Variants in PDE7B observed in about 807,000 individuals in gnomAD.
The protein encoded by PDE7B is phosphodiesterase 7B, also known as 3',5'-cyclic-AMP phosphodiesterase 7B.
PDE7B carries 29 observed loss-of-function variants against 56.2 expected under a neutral mutation model. The ratio of observed to expected loss-of-function variants is 0.52; its 90% CI spans 0.38 to 0.70. The LOEUF (loss-of-function observed/expected upper bound fraction) is 0.70. Ranked by LOEUF, PDE7B falls within the 30% of genes least tolerant of loss-of-function variation. PDE7B has a pLI of 0.00. For synonymous variants in PDE7B, 197 were observed against 196.9 expected (o/e 1.00, Z 0.00); for missense variants, 490 against 565.0 (o/e 0.87, Z 1.35).
chr6:136,068,959 G>A (rs1440257118), intron 2 of PDE7B, among the ~76,000 whole-genome samples: 2 of 152,078 alleles, frequency 1.3e-5, no homozygotes, highest in Non-Finnish European at 2.9e-5. Flanking sequence ...GTATCTTATT[G>A]CGACAAAGCA....
intron 2 of PDE7B, among the ~76,000 whole-genome samples, chr6:136,075,161 G>A (rs925433484): frequency 2.6e-5 from 4 of 152,044 alleles, no homozygotes; most frequent in African/African-American, 9.7e-5. Context: ...CTTCTCTTGG[G>A]TGCTTTCCTT....
At chr6:135,943,148 A>G (rs1008658515) in intron 1 of PDE7B, among the ~76,000 whole-genome samples, 8 of 152,242 alleles carry the variant, frequency 5.3e-5, no homozygotes, top group African/African-American at 1.9e-4. Context: ...GATCAGTTAA[A>G]TTTGTTAATT....
At chr6:136,036,972 G>A (rs879236410) in intron 2 of PDE7B, among the ~76,000 whole-genome samples, 4 of 152,186 alleles carry the variant, frequency 2.6e-5, no homozygotes, top group Admixed American at 2.0e-4. Context: ...AGGGGGCATC[G>A]CCTTTTGTTG....
At chr6:136,111,052 G>T (rs1777738938) in intron 3 of PDE7B, 1 of 152,066 alleles carries the variant, frequency 6.6e-6, no homozygotes, top group African/African-American at 2.4e-5. Context: ...TCCCTTTAGG[G>T]TCTCCTCAGC....
intron 1 of PDE7B, among the ~76,000 whole-genome samples, chr6:135,884,777 C>T (rs546393994): frequency 1.1e-4 from 17 of 152,156 alleles, no homozygotes; most frequent in African/African-American, 2.2e-4. Flanking sequence ...CTGCTCTTTT[C>T]GTGATCCCTG....
chr6:135,972,676 G>A (rs116694057), intron 2 of PDE7B, among the ~76,000 whole-genome samples: 1,625 of 152,108 alleles, frequency 0.011, 30 homozygotes, highest in African/African-American at 0.036. Context: ...TCAATATTCC[G>A]TTGGTCAGAA....
chr6:136,061,671 A>G (rs1344398039), intron 2 of PDE7B, among the ~76,000 whole-genome samples: 1 of 152,212 alleles, frequency 6.6e-6, no homozygotes, highest in Non-Finnish European at 1.5e-5. Flanking sequence ...GAAGCCATCA[A>G]ACCCATTCGT....
intron 2 of PDE7B, chr6:136,035,231 A>G (rs1032804757): frequency 1.3e-5 from 2 of 152,128 alleles, no homozygotes; most frequent in African/African-American, 4.8e-5. Flanking sequence ...CCATATCAAG[A>G]TGAATGATGT....
At chr6:135,894,827 T>A (rs892508307) in intron 1 of PDE7B, among the ~76,000 whole-genome samples, 4 of 152,098 alleles carry the variant, frequency 2.6e-5, no homozygotes, top group Non-Finnish European at 4.4e-5. Flanking sequence ...TTTACCCAGG[T>A]GGGTTCAATC....
intron 3 of PDE7B, among the ~76,000 whole-genome samples, chr6:136,132,338 G>A (rs1778132384): frequency 6.6e-6 from 1 of 151,860 alleles, no homozygotes; most frequent in Non-Finnish European, 1.5e-5. Flanking sequence ...CTATACCCCA[G>A]AGAAAATAGG....
chr6:135,924,763 T>A (rs891733754), intron 1 of PDE7B, among the ~76,000 whole-genome samples: 1 of 151,562 alleles, frequency 6.6e-6, no homozygotes, highest in South Asian at 2.1e-4. Flanking sequence ...TAGTTTTTAA[T>A]GTAAAAGTAT....
chr6:136,189,082 C>A (rs1779183039), intron 12 of PDE7B, among the ~76,000 whole-genome samples: 1 of 152,134 alleles, frequency 6.6e-6, no homozygotes, highest in African/African-American at 2.4e-5. Context: ...TGTCCTTATT[C>A]CTCTCTGACT....
At chr6:136,015,464 A>G (rs1233769437) in intron 2 of PDE7B, among the ~76,000 whole-genome samples, 1 of 152,230 alleles carries the variant, frequency 6.6e-6, no homozygotes, top group Non-Finnish European at 1.5e-5. Context: ...AATTTGCTAC[A>G]ACTAATTTGC....
chr6:136,063,758 T>G (rs1474254749), intron 2 of PDE7B, among the ~76,000 whole-genome samples: 1 of 152,222 alleles, frequency 6.6e-6, no homozygotes. Context: ...CTTCTGCCTC[T>G]GAACGTTTAC....
At chr6:136,126,445 C>A (rs1000672473) in intron 3 of PDE7B, among the ~76,000 whole-genome samples, 2 of 152,214 alleles carry the variant, frequency 1.3e-5, no homozygotes, top group Non-Finnish European at 2.9e-5. Context: ...AGCAATCCCA[C>A]TCCTGGGTAT....
chr6:135,920,920 T>G (rs183974906), intron 1 of PDE7B, among the ~76,000 whole-genome samples: 13 of 152,314 alleles, frequency 8.5e-5, no homozygotes, highest in Admixed American at 4.6e-4. Context: ...GAACTTTATG[T>G]TCTGATAAAC....
chr6:136,046,656 A>G (rs777533973), intron 2 of PDE7B, among the ~76,000 whole-genome samples: 2 of 152,114 alleles, frequency 1.3e-5, no homozygotes, highest in African/African-American at 2.4e-5. Context: ...TCAGGAGTAG[A>G]CTTTGCAACT....
At chr6:136,181,826 A>C (rs946177805) in intron 11 of PDE7B, among the ~76,000 whole-genome samples, 1 of 152,202 alleles carries the variant, frequency 6.6e-6, no homozygotes, top group African/African-American at 2.4e-5. Flanking sequence ...TTTCAAATAT[A>C]GTTTCAACAG....
intron 1 of PDE7B, among the ~76,000 whole-genome samples, chr6:135,887,845 A>C: frequency 6.6e-6 from 1 of 152,074 alleles, no homozygotes; most frequent in East Asian, 1.9e-4. Flanking sequence ...TTTCTGAATG[A>C]ATTCTCATTG....
Sources: gnomAD v4.1 joint callset for allele counts (sites outside exome capture counted in the v4.1 genomes callset) on GRCh38, gnomAD v4.1.1 for gene constraint, MANE v1.5 for transcripts, NCBI Gene and HGNC (gene_info 2026-07-23, HGNC 2026-07-21) for gene names.